The following TMC5 variants were observed in gnomAD, a reference collection of about 807,000 sequenced individuals.
TMC5 encodes the protein transmembrane channel like 5.
Under a neutral mutation model 110.5 loss-of-function variants are expected in TMC5, and 86 were observed. The observed-to-expected ratio is 0.78, with a 90% CI of 0.65 to 0.93. The LOEUF is 0.93. Among genes scored for constraint, TMC5 ranks in the 40% least tolerant of loss-of-function variants. TMC5 has a pLI of 0.00. For synonymous variants in TMC5, 455 were observed against 439.5 expected (o/e 1.04, Z -0.44); for missense variants, 1,144 against 1,222.8 (o/e 0.94, Z 0.96).
chr16:19,440,551 T>C lies in TMC5; in HGVS notation c.513T>C (p.Asp171=). 1 of 1,614,188 alleles carries C rather than the reference T, an allele frequency of 6.2e-7. No individual in the cohort carries two copies. Among genetic ancestry groups the C allele is most frequent in the Non-Finnish European group, 8.5e-7 (1 of 1,180,034 alleles). ...ACCCTGGAGCTCAGAGCAACTCTGA[T>C]CATCCTGGACCCAGAGCCAATTTGA... ...PDYPGAQSNS[D]HPGPRANLNH... Residue 171 remains aspartate, a synonymous_variant, in exon 3 of 22, where the codon GAT becomes GAC. Coordinates refer to ENST00000542583, the MANE Select transcript of TMC5 (RefSeq NM_001261841.2).
At chr16:19,456,983 G>A (rs185507219) in intron 5 of TMC5, 3 of 1,613,316 alleles carry the variant, frequency 1.9e-6, no homozygotes, top group East Asian at 2.2e-5. Context: ...CATGGGCATA[G>A]ACACTCCTGG....
chr16:19,459,060 AGAAG>A (rs1967956587), intron 5 of TMC5, among the ~76,000 whole-genome samples: 1 of 145,356 alleles, frequency 6.9e-6, no homozygotes, highest in Non-Finnish European at 1.5e-5. Flanking sequence ...TTTTTTTTTG[AGAAG>A]GAAGAAATAT....
intron 15 of TMC5, among the ~76,000 whole-genome samples, chr16:19,485,067 C>T (rs572542462): frequency 6.7e-5 from 10 of 149,320 alleles, no homozygotes; most frequent in African/African-American, 2.0e-4. Flanking sequence ...GGTATAGTGA[C>T]GTTTCACCTG....
intron 12 of TMC5, among the ~76,000 whole-genome samples, chr16:19,476,227 G>T (rs1968485187): frequency 1.3e-5 from 2 of 152,142 alleles, no homozygotes; most frequent in Admixed American, 1.3e-4. Context: ...TGCACCTGTA[G>T]TCCCAGCTAC....
intron 12 of TMC5, 73 bp downstream of exon 12, chr16:19,474,349 T>TATGC (rs1968434052): frequency 1.3e-6 from 2 of 1,499,024 alleles, no homozygotes; most frequent in East Asian, 4.7e-5. Flanking sequence ...TAGAAAGGAT[T>TATGC]ATGCTTTAGT....
chr16:19,475,276 G>T lies in TMC5; in HGVS notation c.2090+1000G>T, dbSNP rs536045207. On this transcript the variant is annotated intron_variant, in intron 12 of 21. Coordinates refer to ENST00000542583, the MANE Select transcript of TMC5 (RefSeq NM_001261841.2). ...GTCTTTACTAAAAATACAAAAATTAGCTGGGCTTGGTGACGCATGTCTGTA... is the reference window on the plus strand; with the variant it reads ...GTCTTTACTAAAAATACAAAAATTATCTGGGCTTGGTGACGCATGTCTGTA... Among the ~76,000 whole-genome samples, 4 of 152,224 alleles carry T rather than the reference G, an allele frequency of 2.6e-5. No homozygotes were observed. In the East Asian group the frequency reaches 7.7e-4, roughly 29 times the overall value.
chr16:19,438,425 A>G (rs753724937), intron 2 of TMC5, among the ~76,000 whole-genome samples: 9 of 88,442 alleles, frequency 1.0e-4, no homozygotes, highest in South Asian at 1.1e-3. Context: ...AGAAAAGAAA[A>G]AGAAAGAAAG....
At chr16:19,494,211 T>C (rs1487816479) in intron 19 of TMC5, 51 bp from the exon 20 acceptor site, 2 of 1,414,050 alleles carry the variant, frequency 1.4e-6, no homozygotes, top group South Asian at 2.4e-5. Flanking sequence ...TTCCATACCA[T>C]CATTCATTCA....
chr16:19,446,030 C>T lies in TMC5; in HGVS notation c.958+1780C>T, dbSNP rs948364611. On this transcript the variant is annotated intron_variant, in intron 4 of 21. Transcript: ENST00000542583. ...ACCCTGTCGCAAAAAAAGAAAGGACCGGACAGGACAGGACAGGAAAGGAAG... is the reference window on the plus strand; with the variant it reads ...ACCCTGTCGCAAAAAAAGAAAGGACTGGACAGGACAGGACAGGAAAGGAAG... 6.2e-5 allele frequency among the ~76,000 whole-genome samples: 8 copies of T among 129,022 alleles called. No individual in the cohort carries two copies. The South Asian group carries it at 1.4e-3, about 22-fold the overall frequency. 84.6% of individuals were successfully genotyped at this position (129,022 alleles called of 152,430 possible).
intron 4 of TMC5, among the ~76,000 whole-genome samples, chr16:19,446,248 A>G (rs1967612935): frequency 6.6e-6 from 1 of 152,208 alleles, no homozygotes; most frequent in Non-Finnish European, 1.5e-5. Context: ...TAGAAATCCC[A>G]AGGGGGGAAT....
intron 5 of TMC5, among the ~76,000 whole-genome samples, chr16:19,458,567 G>T (rs1967943768): frequency 6.6e-6 from 1 of 152,144 alleles, no homozygotes; most frequent in Non-Finnish European, 1.5e-5. Context: ...AAGTCAAGCA[G>T]CTCTCAATGA....
intron 5 of TMC5, among the ~76,000 whole-genome samples, chr16:19,452,105 C>T (rs1337645355): frequency 6.6e-6 from 1 of 152,132 alleles, no homozygotes; most frequent in Non-Finnish European, 1.5e-5. Flanking sequence ...AGCCCCAGAA[C>T]TTCTGACCAA....
chr16:19,473,498 A>C (rs1968404074), intron 11 of TMC5, among the ~76,000 whole-genome samples: 2 of 151,962 alleles, frequency 1.3e-5, no homozygotes, highest in African/African-American at 4.8e-5. Context: ...GCACATCCTC[A>C]TTGCCCTGGG....
At chr16:19,436,030 G>A (rs1237786587) in intron 2 of TMC5, among the ~76,000 whole-genome samples, 1 of 152,092 alleles carries the variant, frequency 6.6e-6, no homozygotes, top group African/African-American at 2.4e-5. Flanking sequence ...GGGAGGCCGA[G>A]GTAGGTGTTT....
Position 19,498,129 on chromosome 16 carries a change from GCATTC to G in TMC5, c.*167_*171del. 1.6e-6 allele frequency: 1 copy of G among 637,390 alleles called. No individual in the cohort carries two copies. The highest frequency in any genetic ancestry group is 2.8e-6 in the Non-Finnish European group (1 of 363,082). 39.5% of individuals were successfully genotyped at this position (637,390 alleles called of 1,614,324 possible). A position where few individuals can be genotyped will look rare whatever the true frequency, so the allele number is the denominator to read the frequency against. On this transcript the variant is annotated 3_prime_UTR_variant, in exon 22 of 22. Coordinates refer to ENST00000542583, the MANE Select transcript of TMC5 (RefSeq NM_001261841.2). ...CATGTAATTATCAAAGTAAAATTGG[GCATTC>G]CATGCTATTTTTAATACCTGGATTG...
chr16:19,484,189 T>C (rs114758399), intron 15 of TMC5, among the ~76,000 whole-genome samples: 243 of 152,182 alleles, frequency 1.6e-3, no homozygotes, highest in African/African-American at 5.6e-3. Flanking sequence ...AACGGGAAAG[T>C]TTTATTTTCT....
chr16:19,448,611 C>T (rs1044223720), intron 4 of TMC5, among the ~76,000 whole-genome samples: 1 of 147,744 alleles, frequency 6.8e-6, no homozygotes, highest in Non-Finnish European at 1.5e-5. Flanking sequence ...AGAGTGAGAA[C>T]CTGTCTTAAA....
chr16:19,476,554 T>C (rs1295927095), intron 12 of TMC5, among the ~76,000 whole-genome samples: 1 of 152,006 alleles, frequency 6.6e-6, no homozygotes. Flanking sequence ...TACTAGATGA[T>C]GGAATTGTAA....
chr16:19,449,503 T>G, intron 4 of TMC5, 39 bp from the exon 5 acceptor site: 224 of 1,536,152 alleles, frequency 1.5e-4, no homozygotes, highest in Non-Finnish European at 1.9e-4. Flanking sequence ...TCTAGTGTGG[T>G]GAGACTAATC....
Sources: allele counts gnomAD v4.1 joint callset (sites outside exome capture counted in the v4.1 genomes callset), GRCh38; gene constraint gnomAD v4.1.1; transcripts MANE v1.5; gene names NCBI Gene and HGNC (gene_info 2026-07-23, HGNC 2026-07-21).